AHI1: variants seen among roughly 807,000 people sequenced by gnomAD.
AHI1 encodes jouberin.
Under a neutral mutation model 149.3 loss-of-function variants are expected in AHI1, and 123 were observed. The observed-to-expected ratio is 0.82, with a 90% CI of 0.71 to 0.96. AHI1 has a LOEUF of 0.96. AHI1 is among the 40% of genes least tolerant of loss of function. The probability of loss-of-function intolerance (pLI) is 0.00; values close to 1 mark genes in which losing one functional copy is unlikely to be tolerated. For missense variants in AHI1, 1,439 were observed against 1,422.7 expected (o/e 1.01, Z -0.18); for synonymous variants, 475 against 459.8 (o/e 1.03, Z -0.42).
intron 3 of AHI1, chr6:135,492,604 C>T (rs1795398554): frequency 2.0e-6 from 2 of 985,230 alleles, no homozygotes; most frequent in South Asian, 4.7e-5. Flanking sequence ...TGTTTTAATA[C>T]ATTAATGAAC....
chr6:135,427,481 C>G (rs1431587620), intron 19 of AHI1, among the ~76,000 whole-genome samples, 174 bp from the exon 20 acceptor site: 1 of 151,524 alleles, frequency 6.6e-6, no homozygotes, highest in Non-Finnish European at 1.5e-5. Flanking sequence ...ATTAAATTAT[C>G]TTTATTTTAC....
At chr6:135,287,603 CA>C (rs924442084) in intron 28 of AHI1, among the ~76,000 whole-genome samples, 10 of 152,280 alleles carry the variant, frequency 6.6e-5, no homozygotes, top group African/African-American at 2.4e-4. Flanking sequence ...AGGATAAATG[CA>C]AAGCCATTCC....
chr6:135,428,552 T>C (rs942740151), intron 19 of AHI1, 77 bp downstream of exon 19: 1 of 1,405,110 alleles, frequency 7.1e-7, no homozygotes, highest in African/African-American at 1.5e-5. Context: ...AATTATTCCA[T>C]AAAATGGTAG....
intron 23 of AHI1, among the ~76,000 whole-genome samples, chr6:135,390,872 T>A (rs1049330374): frequency 6.6e-6 from 1 of 152,242 alleles, no homozygotes. Context: ...GTTGCTGTTA[T>A]TGTTTCATAG....
intron 20 of AHI1, among the ~76,000 whole-genome samples, chr6:135,419,971 T>C (rs949459953): frequency 1.3e-5 from 2 of 152,168 alleles, no homozygotes; most frequent in African/African-American, 4.8e-5. Flanking sequence ...GAGTAGATTC[T>C]CTCAAGAATC....
intron 23 of AHI1, among the ~76,000 whole-genome samples, chr6:135,382,894 TAAAAAAAAAAAAA>T (rs573438726): frequency 1.9e-4 from 3 of 15,590 alleles, no homozygotes; most frequent in African/African-American, 2.9e-4. Flanking sequence ...GCAAAATTAG[TAAAAAAAAAAAAA>T]AAAAAAAAAA....
At chr6:135,333,717 T>C (rs1382981863) in intron 24 of AHI1, among the ~76,000 whole-genome samples, 1 of 152,194 alleles carries the variant, frequency 6.6e-6, no homozygotes, top group African/African-American at 2.4e-5. Context: ...TTGGAAAGAA[T>C]ACCAAACTAG....
chr6:135,464,479 CTT>C (rs1298914397), intron 7 of AHI1, among the ~76,000 whole-genome samples: 2 of 152,180 alleles, frequency 1.3e-5, no homozygotes, highest in African/African-American at 2.4e-5. Flanking sequence ...ATATTCATGT[CTT>C]TGTGTAATCC....
rs535126055 is a variant in AHI1, at chr6:135,435,593, G to C, written c.2037-2337C>G. Among the ~76,000 whole-genome samples the C allele has an allele frequency of 2.0e-5, 3 of 152,174 alleles. No homozygotes were observed. The East Asian group carries it at 5.8e-4, about 29-fold the overall frequency. ...GGTACAAGGGAAGCGCATGAGAAAA[G>C]AATGTTGGGTCAATGAGGAACATGC... is the stretch of plus-strand genomic sequence containing the variant. On this transcript the variant is annotated intron_variant, in intron 15 of 28. Transcript: ENST00000265602.
At chr6:135,377,241 TTTTA>T (rs1317282870) in intron 23 of AHI1, among the ~76,000 whole-genome samples, 1 of 151,938 alleles carries the variant, frequency 6.6e-6, no homozygotes, top group Non-Finnish European at 1.5e-5. Flanking sequence ...AATTTAGGGG[TTTTA>T]TTTTACATTT....
At chr6:135,421,665 TA>T (rs901957668) in intron 20 of AHI1, among the ~76,000 whole-genome samples, 5 of 151,882 alleles carry the variant, frequency 3.3e-5, no homozygotes, top group South Asian at 4.2e-4. Context: ...CTGTAAACAT[TA>T]AAAAAAATGT....
intron 23 of AHI1, among the ~76,000 whole-genome samples, chr6:135,391,457 C>T (rs985092274): frequency 6.6e-6 from 1 of 152,146 alleles, no homozygotes; most frequent in East Asian, 1.9e-4. Context: ...CTAATGATGT[C>T]ACTGATCTGA....
intron 11 of AHI1, among the ~76,000 whole-genome samples, chr6:135,451,983 T>C (rs1452108903): frequency 6.6e-6 from 1 of 152,210 alleles, no homozygotes; most frequent in East Asian, 1.9e-4. Context: ...CTCAAATTAC[T>C]TACTCACCAT....
intron 24 of AHI1, among the ~76,000 whole-genome samples, chr6:135,332,139 G>C (rs939207786): frequency 1.4e-5 from 2 of 147,594 alleles, no homozygotes; most frequent in Non-Finnish European, 3.0e-5. Context: ...GTGCAGTCTT[G>C]GCTCACTGCA....
chr6:135,344,926 T>TCACACACACACACACACACACACACACA (rs59084001), intron 24 of AHI1, among the ~76,000 whole-genome samples: 179 of 145,778 alleles, frequency 1.2e-3, no homozygotes, highest in African/African-American at 4.3e-3. Flanking sequence ...AAGCTCTGAT[T>TCACACACACACACACACACACACACACA]CACACACACA....
chr6:135,458,705 C>T (rs1789376801), intron 8 of AHI1, among the ~76,000 whole-genome samples: 1 of 152,086 alleles, frequency 6.6e-6, no homozygotes, highest in South Asian at 2.1e-4. Context: ...TGCTTGGGGG[C>T]TACAGTGACA....
At chr6:135,387,656 G>A (rs1455783381) in intron 23 of AHI1, 7 of 540,888 alleles carry the variant, frequency 1.3e-5, no homozygotes, top group Non-Finnish European at 1.7e-5. Context: ...TCTTTGACAT[G>A]TTCCTTTTCC....
chr6:135,427,418 C>T (rs1185262869), intron 19 of AHI1, 111 bp from the exon 20 acceptor site: 3 of 927,804 alleles, frequency 3.2e-6, no homozygotes, highest in African/African-American at 1.7e-5. Flanking sequence ...CAATGATGCT[C>T]ACATTATTTA....
At chr6:135,453,861 T>C (rs1245557163) in intron 10 of AHI1, among the ~76,000 whole-genome samples, 1 of 152,128 alleles carries the variant, frequency 6.6e-6, no homozygotes, top group Non-Finnish European at 1.5e-5. Context: ...TCTCTTTGGA[T>C]GTATGTTATA....
Sources: gnomAD v4.1 joint callset for allele counts (sites outside exome capture counted in the v4.1 genomes callset) on GRCh38, gnomAD v4.1.1 for gene constraint, MANE v1.5 for transcripts, NCBI Gene and HGNC (gene_info 2026-07-23, HGNC 2026-07-21) for gene names.